The following WHRN variants were observed in gnomAD, a reference collection of about 807,000 sequenced individuals.
WHRN encodes CASK-interacting protein CIP98.
Under a neutral mutation model 68.3 loss-of-function variants are expected in WHRN, and 41 were observed. The observed-to-expected ratio is 0.60, with a 90% confidence interval of 0.47 to 0.78. WHRN has a LOEUF of 0.78. Ranked by LOEUF, WHRN falls within the 30% of genes least tolerant of loss-of-function variation. The pLI is 0.00. For missense variants in WHRN, 1,243 were observed against 1,244.7 expected, an observed-to-expected ratio of 1.00 and a Z score of 0.02; for synonymous variants, 560 against 561.3, an observed-to-expected ratio of 1.00 and a Z score of 0.03.
At chr9:114,473,169 T>C (rs1841381901) in intron 2 of WHRN, among the ~76,000 whole-genome samples, 1 of 152,156 alleles carries the variant, frequency 6.6e-6, no homozygotes, top group Non-Finnish European at 1.5e-5. Context: ...AGGGACACTG[T>C]AGTGGAATAA....
At position 114,504,381 on chromosome 9, in the gene WHRN, C is replaced by A; in HGVS notation, c.421G>T (p.Val141Leu). Reference sequence around the variant, plus strand: ...TGGGCCTTGGCACGCCGCAAACTCACCAGGCGCACCTCCCCTGGCCCCGCG... The same window carrying A: ...TGGGCCTTGGCACGCCGCAAACTCAACAGGCGCACCTCCCCTGGCCCCGCG... ...DSAGPGEVRL[V>L]SLRRAKAHEG... Residue 141 changes from valine (V) to leucine (L), a missense_variant, in exon 1 of 12, where the codon GTG (valine) becomes TTG (leucine). By Grantham distance (32) the Val-to-Leu change is conservative. Coordinates refer to ENST00000362057, the MANE Select transcript of WHRN (RefSeq NM_015404.4). 6.2e-7 allele frequency: 1 copy of A among 1,606,516 alleles called. No individual in the cohort carries two copies. Among genetic ancestry groups the A allele is most frequent in the Non-Finnish European group, 8.5e-7 (1 of 1,179,828 alleles).
chr9:114,466,486 C>T (rs778188685), intron 2 of WHRN, 94 bp from the exon 3 acceptor site: 94 of 1,566,666 alleles, frequency 6.0e-5, no homozygotes, highest in South Asian at 3.4e-4. Context: ...CTTTGAAGAG[C>T]GCATCTTATC....
At chr9:114,476,826 G>A (rs1020291160) in intron 2 of WHRN, among the ~76,000 whole-genome samples, 7 of 152,146 alleles carry the variant, frequency 4.6e-5, no homozygotes, top group Admixed American at 6.5e-5. Context: ...GTGTGGCTGC[G>A]AGGAGGACTC....
chr9:114,504,715 G>GC lies in WHRN; in HGVS notation c.86dup (p.Ala30ArgfsTer149). 1 of 1,514,000 alleles carries GC rather than the reference G, an allele frequency of 6.6e-7. No individual in the cohort carries two copies. 93.8% of individuals were successfully genotyped at this position (1,514,000 alleles called of 1,614,324 possible). On this transcript the variant is annotated frameshift_variant, in exon 1 of 12. Coordinates refer to ENST00000362057, the MANE Select transcript of WHRN (RefSeq NM_015404.4). LOFTEE classifies it high-confidence loss of function. ...TGGCAGACAGTAACCGCAGCCCCGC[G>GC]CCCCCGCCGCCGCCCGCCCCGGCCG...
At chr9:114,470,672 C>T (rs911067951) in intron 2 of WHRN, among the ~76,000 whole-genome samples, 2 of 152,162 alleles carry the variant, frequency 1.3e-5, no homozygotes, top group Non-Finnish European at 2.9e-5. Context: ...TAGGCAGCTC[C>T]TGCCTTGATC....
chr9:114,432,806 T>C (rs1837535893), intron 3 of WHRN, among the ~76,000 whole-genome samples: 1 of 152,256 alleles, frequency 6.6e-6, no homozygotes, highest in African/African-American at 2.4e-5. Context: ...TGGGTCTCCA[T>C]GGGGCCATAA....
intron 3 of WHRN, among the ~76,000 whole-genome samples, chr9:114,437,985 C>T (rs1218504658): frequency 6.6e-6 from 1 of 152,088 alleles, no homozygotes; most frequent in Non-Finnish European, 1.5e-5. Flanking sequence ...TTATAAATGG[C>T]CATTAAATAT....
intron 2 of WHRN, among the ~76,000 whole-genome samples, chr9:114,470,273 G>A (rs1036802464): frequency 7.2e-5 from 11 of 152,158 alleles, no homozygotes; most frequent in East Asian, 1.9e-4. Flanking sequence ...AGGCTGGGGC[G>A]GGGTGGGGAG....
chr9:114,406,968 T>C (rs1835085218), intron 8 of WHRN, 76 bp from the exon 9 acceptor site: 1 of 1,511,406 alleles, frequency 6.6e-7, no homozygotes, highest in Non-Finnish European at 8.9e-7. Context: ...AGCAGCTGAG[T>C]GGTGCCAGGC....
intron 1 of WHRN, chr9:114,491,769 G>T: frequency 3.7e-6 from 1 of 270,210 alleles, no homozygotes. Flanking sequence ...CAACCCTCCC[G>T]CCCTTTGCCT....
intron 3 of WHRN, among the ~76,000 whole-genome samples, chr9:114,447,183 C>T (rs1156830983): frequency 2.6e-5 from 4 of 152,154 alleles, no homozygotes; most frequent in Non-Finnish European, 4.4e-5. Flanking sequence ...AGCTCAAGAT[C>T]CACTTCCTCT....
rs1385519248 is a variant in WHRN at position 114,504,714 on chromosome 9, C to T, written c.88G>A (p.Ala30Thr). Residue 30 changes from alanine (A) to threonine (T), a missense_variant, in exon 1 of 12, where the codon GCG becomes ACG. Coordinates refer to ENST00000362057, the MANE Select transcript of WHRN (RefSeq NM_015404.4). Reference protein sequence around the residue: ...SAAGAGGGGGAGLRLLSANVR... With the variant: ...SAAGAGGGGGTGLRLLSANVR... The stretch of plus-strand genomic sequence containing the variant: ...TTGGCAGACAGTAACCGCAGCCCCG[C>T]GCCCCCGCCGCCGCCCGCCCCGGCC... The T allele has an allele frequency of 1.3e-6, 2 of 1,515,508 alleles. No individual in the cohort carries two copies. The highest frequency in any genetic ancestry group is 1.2e-5 in the South Asian group (1 of 80,180). The allele number at this position is 1,515,508 out of a possible 1,614,324, so 93.9% of individuals were successfully genotyped here.
chr9:114,425,284 A>C, intron 4 of WHRN: 1 of 634,238 alleles, frequency 1.6e-6, no homozygotes, highest in Admixed American at 2.4e-5. Context: ...GTTGTTGCCA[A>C]CCCCGCAGGA....
intron 1 of WHRN, among the ~76,000 whole-genome samples, chr9:114,497,421 A>G (rs889891171): frequency 1.3e-5 from 2 of 152,210 alleles, no homozygotes; most frequent in African/African-American, 4.8e-5. Context: ...CAGAGAATAA[A>G]GCAGCTTTTA....
intron 8 of WHRN, among the ~76,000 whole-genome samples, chr9:114,407,462 C>A (rs1364103789): frequency 6.6e-6 from 1 of 152,138 alleles, no homozygotes; most frequent in South Asian, 2.1e-4. Context: ...ACAGTGCCTG[C>A]GCCACAGCAG....
In WHRN at chr9:114,407,845, C is replaced by G. The variant is rs1488822048; in HGVS notation, c.1698+102G>C. 7.9e-6 allele frequency: 8 copies of G among 1,009,128 alleles called. No individual in the cohort carries two copies. The African/African-American group carries it at 9.6e-5, about 12-fold the overall frequency. The allele number at this position is 1,009,128 out of a possible 1,614,324, so 62.5% of individuals were successfully genotyped here. On this transcript the variant is annotated intron_variant, in intron 8 of 11. Coordinates refer to ENST00000362057, the MANE Select transcript of WHRN (RefSeq NM_015404.4). ...ATGGCAGAGGCCTCTGTCTCCTTTG[C>G]CACCCTGTGCCCTTTCTCCGTGGCT...
At chr9:114,466,609 C>G (rs1039907485) in intron 2 of WHRN, among the ~76,000 whole-genome samples, 1 of 152,192 alleles carries the variant, frequency 6.6e-6, no homozygotes, top group Non-Finnish European at 1.5e-5. Flanking sequence ...CCCTCACCCC[C>G]TCTTGGTCAC....
At chr9:114,415,569 C>T (rs1835758822) in intron 7 of WHRN, among the ~76,000 whole-genome samples, 2 of 152,178 alleles carry the variant, frequency 1.3e-5, no homozygotes, top group South Asian at 4.1e-4. Context: ...TCCCCAAGTA[C>T]CCCAGACTGG....
At chr9:114,428,591 G>C (rs943282202) in intron 3 of WHRN, among the ~76,000 whole-genome samples, 1 of 152,186 alleles carries the variant, frequency 6.6e-6, no homozygotes, top group Non-Finnish European at 1.5e-5. Context: ...TGCACATCCA[G>C]GTCAGGCCAG....
Sources: gnomAD v4.1 joint callset for allele counts (sites outside exome capture counted in the v4.1 genomes callset) on GRCh38, gnomAD v4.1.1 for gene constraint, MANE v1.5 for transcripts, NCBI Gene and HGNC (gene_info 2026-07-23, HGNC 2026-07-21) for gene names.